The following MAGI1 variants were observed in gnomAD, a reference collection of about 807,000 sequenced individuals.
MAGI1 encodes membrane-associated guanylate kinase, WW and PDZ domain-containing protein 1.
MAGI1 carries 58 observed loss-of-function variants against 139.9 expected under a neutral mutation model. The observed-to-expected ratio is 0.41, with a 90% CI of 0.34 to 0.52. MAGI1 has a LOEUF of 0.52. Ranked by LOEUF, MAGI1 falls within the 20% of genes least tolerant of loss-of-function variation. The probability of loss-of-function intolerance (pLI) is 0.12; values close to 1 mark genes in which losing one functional copy is unlikely to be tolerated. For missense variants in MAGI1, 1,874 were observed against 1,901.6 expected (o/e 0.99, Z 0.27); for synonymous variants, 812 against 737.9 (o/e 1.10, Z -1.63).
chr3:65,732,715 A>T (rs1387921448), intron 1 of MAGI1, among the ~76,000 whole-genome samples: 1 of 152,358 alleles, frequency 6.6e-6, no homozygotes, highest in African/African-American at 2.4e-5. Flanking sequence ...GCTACAGATT[A>T]TACATCACAA....
intron 1 of MAGI1, among the ~76,000 whole-genome samples, chr3:65,763,333 A>G (rs2037190089): frequency 1.3e-5 from 2 of 152,190 alleles, no homozygotes; most frequent in African/African-American, 4.8e-5. Flanking sequence ...CCTTAGATCT[A>G]TATTTCCATA....
chr3:65,870,245 A>G (rs1188368078), intron 1 of MAGI1, among the ~76,000 whole-genome samples: 1 of 150,610 alleles, frequency 6.6e-6, no homozygotes. Flanking sequence ...TTTTTTTTTT[A>G]ATTCCCAGGA....
intron 1 of MAGI1, among the ~76,000 whole-genome samples, chr3:65,652,560 C>G (rs1314222836): frequency 6.6e-6 from 1 of 152,162 alleles, no homozygotes; most frequent in Non-Finnish European, 1.5e-5. Context: ...AATAAAATCA[C>G]CCTCAGTTGA....
intron 1 of MAGI1, among the ~76,000 whole-genome samples, chr3:65,794,831 A>C (rs1328058834): frequency 1.4e-5 from 2 of 143,722 alleles, no homozygotes; most frequent in Non-Finnish European, 3.0e-5. Context: ...ACAACAAAAC[A>C]AACCCTCATC....
chr3:65,775,503 A>C (rs1481641561), intron 1 of MAGI1, among the ~76,000 whole-genome samples: 13 of 13,802 alleles, frequency 9.4e-4, no homozygotes, highest in Non-Finnish European at 2.2e-3. Context: ...CCACTCTGCC[A>C]AAAAAAAAAA....
chr3:66,008,708 G>A (rs1245869932), intron 1 of MAGI1: 1 of 152,062 alleles, frequency 6.6e-6, no homozygotes, highest in Non-Finnish European at 1.5e-5. Flanking sequence ...AGTATGGGGG[G>A]GCAGGGAACA....
chr3:66,003,911 GT>G (rs1198840313), intron 1 of MAGI1: 7 of 152,296 alleles, frequency 4.6e-5, no homozygotes, highest in Middle Eastern at 3.4e-3. Context: ...TGACCAACCA[GT>G]TGTAAACACC....
intron 1 of MAGI1, chr3:65,873,154 C>T (rs2059995436): frequency 1.3e-5 from 2 of 152,218 alleles, no homozygotes; most frequent in South Asian, 4.1e-4. Flanking sequence ...AGATGGCGAG[C>T]TTTGGTGCTG....
At chr3:65,661,777 T>C (rs1411032436) in intron 1 of MAGI1, among the ~76,000 whole-genome samples, 1 of 132,584 alleles carries the variant, frequency 7.5e-6, no homozygotes, top group Non-Finnish European at 1.5e-5. Context: ...AGATGGAGTC[T>C]CGCTCTGTTG....
rs574601950 is a variant in MAGI1 at position 65,907,054 on chromosome 3, A to C, written c.313+130942T>G. Among the ~76,000 whole-genome samples, 76 of 137,442 alleles carry C rather than the reference A, an allele frequency of 5.5e-4. No homozygotes were observed. The East Asian group carries it at 0.016, about 29-fold the overall frequency. 90.2% of individuals were successfully genotyped at this position (137,442 alleles called of 152,430 possible). On this transcript the variant is annotated intron_variant, in intron 1 of 22. Coordinates refer to ENST00000402939, the MANE Select transcript of MAGI1 (RefSeq NM_001033057.2). ...GTGAGAAAAATCTTGCCTCTTGTTT[A>C]CAAAAAAAAAAAAACACTCCACTTG...
At chr3:65,943,166 G>T (rs1366718793) in intron 1 of MAGI1, among the ~76,000 whole-genome samples, 1 of 152,242 alleles carries the variant, frequency 6.6e-6, no homozygotes, top group Non-Finnish European at 1.5e-5. Flanking sequence ...CGTCGTGCCA[G>T]ATTGGCTGTA....
chr3:65,459,919 C>CTG (rs962147750), intron 5 of MAGI1, among the ~76,000 whole-genome samples: 3 of 151,902 alleles, frequency 2.0e-5, no homozygotes, highest in African/African-American at 7.3e-5. Flanking sequence ...GAGTGAGACC[C>CTG]TGTCTCAAGA....
At chr3:65,852,126 C>T (rs2059225520) in intron 1 of MAGI1, among the ~76,000 whole-genome samples, 1 of 152,288 alleles carries the variant, frequency 6.6e-6, no homozygotes, top group Non-Finnish European at 1.5e-5. Flanking sequence ...TGTAAACAGC[C>T]TAAATACCAA....
intron 1 of MAGI1, among the ~76,000 whole-genome samples, chr3:65,634,895 G>A (rs928468343): frequency 1.3e-5 from 2 of 152,066 alleles, no homozygotes; most frequent in African/African-American, 4.8e-5. Flanking sequence ...TTGGGGATGA[G>A]TTATCATGAT....
intron 1 of MAGI1, among the ~76,000 whole-genome samples, chr3:65,801,417 T>C (rs1336772446): frequency 5.9e-5 from 9 of 152,200 alleles, no homozygotes; most frequent in Non-Finnish European, 1.2e-4. Flanking sequence ...TAGAAAAATG[T>C]CCGGTCGCTT....
chr3:65,645,102 T>C (rs1008556826), intron 1 of MAGI1, among the ~76,000 whole-genome samples: 1 of 151,464 alleles, frequency 6.6e-6, no homozygotes, highest in Non-Finnish European at 1.5e-5. Context: ...CTAAAATTTA[T>C]GTCACTGGAG....
chr3:65,657,449 A>AAC (rs1553686853), intron 1 of MAGI1, among the ~76,000 whole-genome samples: 4 of 149,060 alleles, frequency 2.7e-5, no homozygotes, highest in African/African-American at 9.9e-5. Context: ...AAAAAAAAAA[A>AAC]CACATAAATT....
At chr3:65,508,854 C>G (rs781694091) in intron 2 of MAGI1, among the ~76,000 whole-genome samples, 2 of 152,142 alleles carry the variant, frequency 1.3e-5, no homozygotes. Flanking sequence ...GGTTCTCACT[C>G]TTGGGTTCCA....
intron 1 of MAGI1, among the ~76,000 whole-genome samples, chr3:65,967,327 A>G (rs974668720): frequency 6.6e-6 from 1 of 152,218 alleles, no homozygotes; most frequent in African/African-American, 2.4e-5. Flanking sequence ...AAAATTTTTC[A>G]TAAGAAAACA....
Sources: gnomAD v4.1 joint callset for allele counts (sites outside exome capture counted in the v4.1 genomes callset) on GRCh38, gnomAD v4.1.1 for gene constraint, MANE v1.5 for transcripts, NCBI Gene and HGNC (gene_info 2026-07-23, HGNC 2026-07-21) for gene names.